The following MMS19 variants were observed in gnomAD, a reference collection of about 807,000 sequenced individuals.
MMS19 encodes MMS19 cytosolic iron-sulfur assembly component, also known as MMS19 nucleotide excision repair protein homolog.
MMS19 carries 77 observed loss-of-function variants against 129.8 expected under a neutral mutation model. The observed-to-expected ratio is 0.59, with a 90% CI of 0.49 to 0.72. The LOEUF (loss-of-function observed/expected upper bound fraction) is 0.72, where lower values mean the gene tolerates loss of function less well. Among genes scored for constraint, MMS19 ranks in the 30% least tolerant of loss-of-function variants. MMS19 has a pLI of 0.00. For synonymous variants in MMS19, 491 were observed against 502.8 expected (o/e 0.98, Z 0.31); for missense variants, 1,168 against 1,266.3 (o/e 0.92, Z 1.18).
At chr10:97,475,519 G>T (rs1425949155) in intron 8 of MMS19, among the ~76,000 whole-genome samples, 1 of 151,960 alleles carries the variant, frequency 6.6e-6, no homozygotes, top group African/African-American at 2.4e-5. Context: ...GTTGGATCAC[G>T]AAGTCAGGGG....
chr10:97,478,772 G>C (rs1004335304), intron 3 of MMS19, among the ~76,000 whole-genome samples: 4 of 151,878 alleles, frequency 2.6e-5, no homozygotes, highest in Admixed American at 2.0e-4. Flanking sequence ...AGACAACAGG[G>C]AAATAAATGA....
At position 97,461,637 on chromosome 10, in the gene MMS19, G is replaced by A. The variant is rs769332966; in HGVS notation, c.2185-15C>T. On this transcript the variant is annotated splice_polypyrimidine_tract_variant and intron_variant, in intron 22 of 30. Transcript: ENST00000438925. The stretch of plus-strand genomic sequence containing the variant: ...GGGATTTCCACCTACAGAAAACCTG[G>A]CCATGTAATGGACCCAGAGAACACT... 40 of 1,594,680 alleles carry A rather than the reference G, an allele frequency of 2.5e-5. No individual in the cohort carries two copies. Among genetic ancestry groups the A allele is most frequent in the Non-Finnish European group, 3.3e-5 (39 of 1,170,646 alleles).
chr10:97,460,475 G>A (rs1208063736), intron 25 of MMS19, among the ~76,000 whole-genome samples: 1 of 152,202 alleles, frequency 6.6e-6, no homozygotes, highest in Non-Finnish European at 1.5e-5. Flanking sequence ...CGAGGCTGAA[G>A]TGGGAGGATC....
intron 3 of MMS19, among the ~76,000 whole-genome samples, chr10:97,479,434 CA>C (rs2036362058): frequency 6.6e-6 from 1 of 152,144 alleles, no homozygotes; most frequent in Admixed American, 6.5e-5. Context: ...CGCCCCTTTT[CA>C]GTAGGAAGTA....
At position 97,484,097 on chromosome 10, in the gene MMS19, T is replaced by G. The variant is rs1360414763; in HGVS notation, c.161+6A>C. The G allele has an allele frequency of 6.5e-7, 1 of 1,540,124 alleles. No individual in the cohort carries two copies. The highest frequency in any genetic ancestry group is 8.8e-7 in the Non-Finnish European group (1 of 1,133,900). On this transcript the variant is annotated splice_donor_region_variant and intron_variant, in intron 2 of 30. Transcript: ENST00000438925. ...GAGAAGAACATTCTATAGCAGAGGC[T>G]CTTACCCAAGGGCTTCCACAACTTG... is the stretch of plus-strand genomic sequence containing the variant.
Position 97,462,468 on chromosome 10 carries a change from T to A in MMS19, c.2012+115A>T, listed in dbSNP as rs145876251. The A allele has an allele frequency of 6.0e-4, 437 of 733,984 alleles. 2 individuals are homozygous for A. In the African/African-American group the frequency reaches 6.9e-3, roughly 12 times the overall value. 45.5% of individuals were successfully genotyped at this position (733,984 alleles called of 1,614,324 possible). Reference sequence around the variant, plus strand: ...CAACAAAACTTACAAGACGATTAACTGCACCACATTTACATATAGGTAAAA... The same window carrying A: ...CAACAAAACTTACAAGACGATTAACAGCACCACATTTACATATAGGTAAAA... On this transcript the variant is annotated intron_variant, in intron 20 of 30. Coordinates refer to ENST00000438925, the MANE Select transcript of MMS19 (RefSeq NM_022362.5).
chr10:97,472,246 T>C (rs765861493), intron 8 of MMS19, among the ~76,000 whole-genome samples: 17 of 152,204 alleles, frequency 1.1e-4, no homozygotes, highest in Admixed American at 6.5e-5. Flanking sequence ...ACTAGGCTTA[T>C]TTATTTATTT....
At chr10:97,495,924 G>C (rs1309926130) in intron 1 of MMS19, among the ~76,000 whole-genome samples, 1 of 152,248 alleles carries the variant, frequency 6.6e-6, no homozygotes, top group East Asian at 1.9e-4. Flanking sequence ...TGGGATTACA[G>C]GCATGCACCA....
Position 97,459,756 on chromosome 10 carries a change from A to G in MMS19, c.2657-15T>C. On this transcript the variant is annotated splice_polypyrimidine_tract_variant and intron_variant, in intron 26 of 30. Coordinates refer to ENST00000438925, the MANE Select transcript of MMS19 (RefSeq NM_022362.5). ...TGGCTTCACATCTGTAAAAAATGGA[A>G]AGGCTTAGGGGAGAAATTGGACTTA... 6.3e-7 allele frequency: 1 copy of G among 1,590,754 alleles called. No homozygotes were observed. The highest frequency in any genetic ancestry group is 8.6e-7 in the Non-Finnish European group (1 of 1,163,466).
chr10:97,484,233 C>T (rs1248849923), intron 1 of MMS19, 82 bp from the exon 2 acceptor site: 21 of 977,884 alleles, frequency 2.1e-5, no homozygotes, highest in East Asian at 2.6e-5. Flanking sequence ...ATAATGTTTC[C>T]TGCCTGCCCT....
rs538435540 is a variant in MMS19 at position 97,463,762 on chromosome 10, C to G, written c.1912+96G>C. 9.4e-5 allele frequency: 105 copies of G among 1,119,818 alleles called. 1 individual carries two copies. The East Asian group carries it at 2.7e-3, about 28-fold the overall frequency. 69.4% of individuals were successfully genotyped at this position (1,119,818 alleles called of 1,614,324 possible). ...GATTGAAAATAAACCTCTGATGGTA[C>G]AAAATACAGTACCACCAATACCCAG... On this transcript the variant is annotated intron_variant, in intron 19 of 30. Transcript: ENST00000438925.
At chr10:97,467,475 C>T in intron 14 of MMS19, 30 bp downstream of exon 14, 2 of 1,552,210 alleles carry the variant, frequency 1.3e-6, no homozygotes, top group Non-Finnish European at 8.9e-7. Context: ...TCAACAGTCC[C>T]CAGAGCACTG....
chr10:97,469,789 C>T, intron 10 of MMS19, 66 bp from the exon 11 acceptor site: 7 of 1,401,602 alleles, frequency 5.0e-6, no homozygotes, highest in Non-Finnish European at 5.0e-6. Flanking sequence ...GCAGGTACCT[C>T]AGCATAATGG....
At chr10:97,474,834 G>C (rs912232503) in intron 8 of MMS19, among the ~76,000 whole-genome samples, 5 of 152,114 alleles carry the variant, frequency 3.3e-5, no homozygotes, top group African/African-American at 7.2e-5. Context: ...ATGGGAAAAT[G>C]GACAGTAGCA....
At chr10:97,470,048 G>T in intron 10 of MMS19, 81 bp downstream of exon 10, 3 of 1,005,476 alleles carry the variant, frequency 3.0e-6, no homozygotes, top group Non-Finnish European at 4.6e-6. Flanking sequence ...ACTGTTCCTT[G>T]GCTATCCTAG....
At chr10:97,477,045 G>C in intron 6 of MMS19, 82 bp from the exon 7 acceptor site, 1 of 1,586,274 alleles carries the variant, frequency 6.3e-7, no homozygotes, top group Non-Finnish European at 8.6e-7. Flanking sequence ...TTCTCCCTCT[G>C]CTATCATTGC....
chr10:97,482,769 T>C (rs28987114), intron 2 of MMS19, among the ~76,000 whole-genome samples: 3,340 of 131,832 alleles, frequency 0.025, 145 homozygotes, highest in African/African-American at 0.086. Flanking sequence ...CACACACACA[T>C]ATATTTTTTG....
At position 97,465,868 on chromosome 10, in the gene MMS19, G is replaced by T. The variant is rs1352327634; in HGVS notation, c.1693C>A (p.His565Asn). ...CLQALSAVST[H>N]PSIVKETLPL... ...AGTGTCTCCTTGACGATGCTGGGATGTGTTGATACAGCTGACAAGGCTTGC... is the reference window on the plus strand; with the variant it reads ...AGTGTCTCCTTGACGATGCTGGGATTTGTTGATACAGCTGACAAGGCTTGC... The change falls in exon 18 of 31, where the codon CAT becomes AAT. Residue 565 changes from histidine to asparagine, a missense_variant. Transcript: ENST00000438925. 6.2e-7 allele frequency: 1 copy of T among 1,614,000 alleles called. No homozygotes were observed. Among genetic ancestry groups the T allele is most frequent in the African/African-American group, 1.3e-5 (1 of 75,060 alleles).
At chr10:97,475,720 G>A (rs949812041) in intron 8 of MMS19, among the ~76,000 whole-genome samples, 1 of 152,178 alleles carries the variant, frequency 6.6e-6, no homozygotes, top group African/African-American at 2.4e-5. Flanking sequence ...CTGGGAGACA[G>A]AGCGAGACTC....
Sources: gnomAD v4.1 joint callset for allele counts (sites outside exome capture counted in the v4.1 genomes callset) on GRCh38, gnomAD v4.1.1 for gene constraint, MANE v1.5 for transcripts, NCBI Gene and HGNC (gene_info 2026-07-23, HGNC 2026-07-21) for gene names.